The following DYNC2H1 variants were observed in gnomAD, a reference collection of about 807,000 sequenced individuals.
The protein encoded by DYNC2H1 is dynein cytoplasmic 2 heavy chain 1.
Under a neutral mutation model 570.0 loss-of-function variants are expected in DYNC2H1, and 410 were observed. The ratio of observed to expected loss-of-function variants is 0.72; its 90% confidence interval spans 0.66 to 0.78. The LOEUF is 0.78. DYNC2H1 is among the 30% of genes least tolerant of loss of function. The probability of loss-of-function intolerance (pLI) is 0.00; values close to 1 mark genes in which losing one functional copy is unlikely to be tolerated. For synonymous variants in DYNC2H1, 1,688 were observed against 1,677.6 expected (o/e 1.01, Z -0.15); for missense variants, 4,865 against 5,046.4 (o/e 0.96, Z 1.09).
chr11:103,385,917 GT>G (rs1370690825), intron 83 of DYNC2H1, among the ~76,000 whole-genome samples: 1 of 152,154 alleles, frequency 6.6e-6, no homozygotes, highest in Non-Finnish European at 1.5e-5. Context: ...TGGTTTTCAT[GT>G]GGCTGCCCCA....
At chr11:103,251,611 C>T (rs1864835339) in intron 65 of DYNC2H1, among the ~76,000 whole-genome samples, 1 of 152,118 alleles carries the variant, frequency 6.6e-6, no homozygotes, top group East Asian at 1.9e-4. Flanking sequence ...CTACAGTCCT[C>T]ATGTTGTACA....
At chr11:103,135,411 G>A in intron 15 of DYNC2H1, 84 bp from the exon 16 acceptor site, 2 of 1,235,206 alleles carry the variant, frequency 1.6e-6, no homozygotes, top group Non-Finnish European at 2.1e-6. Context: ...TTATAATTGT[G>A]CATTATGTGA....
intron 83 of DYNC2H1, among the ~76,000 whole-genome samples, chr11:103,379,653 T>C (rs947554603): frequency 6.6e-6 from 1 of 152,192 alleles, no homozygotes; most frequent in Non-Finnish European, 1.5e-5. Context: ...CATAACTTGG[T>C]TCTGTAGCCA....
In DYNC2H1 at chr11:103,168,941, A is replaced by G. The variant is rs1861451787; in HGVS notation, c.4949A>G (p.Gln1650Arg). The part of the protein sequence containing the change: ...CCVQMVDSEF[Q>R]YTYEYQGNAS... ...GTTCAAATGGTGGATTCTGAATTTC[A>G]GTATACTTATGAATATCAGGTATGA... Residue 1650 changes from glutamine (Q) to arginine (R), a missense_variant, in exon 32 of 89, where the codon CAG becomes CGG. This residue lies in a region of DYNC2H1 where 1,936 missense variants were observed against 1,962.1 expected (regional missense o/e 0.99). Transcript: ENST00000375735. 1 of 1,611,376 alleles carries G rather than the reference A, an allele frequency of 6.2e-7. No homozygotes were observed. The highest frequency in any genetic ancestry group is 1.7e-5 in the Admixed American group (1 of 59,798).
intron 45 of DYNC2H1, among the ~76,000 whole-genome samples, chr11:103,191,028 A>ATTTT (rs577789493): frequency 9.0e-6 from 1 of 111,242 alleles, no homozygotes; most frequent in Non-Finnish European, 1.8e-5. Context: ...ATATATATAT[A>ATTTT]TTTTTTTTCT....
At chr11:103,335,704 T>C (rs1030000375) in intron 82 of DYNC2H1, among the ~76,000 whole-genome samples, 2 of 152,252 alleles carry the variant, frequency 1.3e-5, no homozygotes, top group East Asian at 1.9e-4. Context: ...TTTTCCCATA[T>C]ACAGTTCATT....
intron 2 of DYNC2H1, 72 bp from the exon 3 acceptor site, chr11:103,114,031 A>G (rs543428081): frequency 1.9e-5 from 29 of 1,549,866 alleles, no homozygotes; most frequent in Non-Finnish European, 8.7e-7. Context: ...GGTTTTGGAC[A>G]GTGTTTTGGG....
intron 24 of DYNC2H1, 138 bp downstream of exon 24, chr11:103,154,947 G>A (rs972829699): frequency 2.2e-5 from 15 of 671,028 alleles, no homozygotes; most frequent in Non-Finnish European, 3.5e-5. Context: ...AGGAAATACA[G>A]AGTAAACCAT....
At chr11:103,410,910 C>T (rs1446198718) in intron 84 of DYNC2H1, among the ~76,000 whole-genome samples, 1 of 151,990 alleles carries the variant, frequency 6.6e-6, no homozygotes, top group Non-Finnish European at 1.5e-5. Flanking sequence ...CTGCTGTTTC[C>T]CGTGGGGGTG....
intron 83 of DYNC2H1, among the ~76,000 whole-genome samples, chr11:103,384,173 C>G (rs907622539): frequency 4.6e-5 from 7 of 152,172 alleles, no homozygotes; most frequent in Non-Finnish European, 7.4e-5. Context: ...GCTTATACTA[C>G]TACACATACA....
At position 103,209,947 on chromosome 11, in the gene DYNC2H1, GA is replaced by G. The variant is rs431905507; in HGVS notation, c.8534del (p.Asn2845IlefsTer8). On this transcript the variant is annotated frameshift_variant, in exon 53 of 89. Transcript: ENST00000375735. LOFTEE classifies it high-confidence loss of function. This position sits in a 1 kb window ranked among gnomAD's most constrained non-coding sequence, Gnocchi z 4.2. ...YNDKKRKEEK[K>X]KNSVDPDFLK... ...ATGATAAAAAACGAAAAGAAGAAAA[GA>G]AAAAAAATTCAGGTAGTATTTTGAT... 7.4e-6 allele frequency: 11 copies of G among 1,486,590 alleles called. No homozygotes were observed. The highest frequency in any genetic ancestry group is 4.3e-5 in the African/African-American group (3 of 69,634). The allele number at this position is 1,486,590 out of a possible 1,614,324, so 92.1% of individuals were successfully genotyped here.
chr11:103,116,805 T>A, intron 5 of DYNC2H1, 91 bp downstream of exon 5: 1 of 1,169,110 alleles, frequency 8.6e-7, no homozygotes, highest in African/African-American at 1.5e-5. Context: ...AAAATGCTCC[T>A]TTATGTAATA....
intron 85 of DYNC2H1, among the ~76,000 whole-genome samples, chr11:103,436,365 A>G (rs560208416): frequency 6.6e-6 from 1 of 151,960 alleles, no homozygotes; most frequent in East Asian, 1.9e-4. Context: ...CCCTATGGGG[A>G]GCTGCTTTAA....
chr11:103,399,004 T>G (rs1417565854), intron 83 of DYNC2H1, among the ~76,000 whole-genome samples: 3 of 152,132 alleles, frequency 2.0e-5, no homozygotes, highest in African/African-American at 7.2e-5. Context: ...TTTGTAGTGG[T>G]CGAGTAGTAT....
rs968448386 is a variant in DYNC2H1 at position 103,395,767 on chromosome 11, A to G, written c.12157-3896A>G. ...TAGTTAAGCCCCAATTCAAGTTGCA[A>G]ATTAATTTGTGGAACTGAGTTGAAT... On this transcript the variant is annotated intron_variant, in intron 83 of 88. Coordinates refer to ENST00000375735, the MANE Select transcript of DYNC2H1 (RefSeq NM_001377.3). The surrounding 1 kb of genome is among the most constrained non-coding windows in gnomAD (Gnocchi z 4.3). Among the ~76,000 whole-genome samples, 3 of 152,242 alleles carry G rather than the reference A, an allele frequency of 2.0e-5. No individual in the cohort carries two copies. Among genetic ancestry groups the G allele is most frequent in the East Asian group, 3.9e-4 (2 of 5,156 alleles).
chr11:103,178,976 A>G lies in DYNC2H1; in HGVS notation c.6140-50A>G, dbSNP rs757245401. On this transcript the variant is annotated intron_variant, in intron 38 of 88. Coordinates refer to ENST00000375735, the MANE Select transcript of DYNC2H1 (RefSeq NM_001377.3). ...GTTTTAGTCCTTATTTTTAATTATTATCACTGCATATATTTTTATTTTGTC... is the reference window on the plus strand; with the variant it reads ...GTTTTAGTCCTTATTTTTAATTATTGTCACTGCATATATTTTTATTTTGTC... 3.3e-6 allele frequency: 5 copies of G among 1,493,484 alleles called. No homozygotes were observed. In the East Asian group the frequency reaches 9.2e-5, roughly 28 times the overall value. 92.5% of individuals were successfully genotyped at this position (1,493,484 alleles called of 1,614,324 possible). A position where few individuals can be genotyped will look rare whatever the true frequency, so the allele number is the denominator to read the frequency against.
intron 85 of DYNC2H1, among the ~76,000 whole-genome samples, 193 bp downstream of exon 85, chr11:103,436,225 T>C (rs1591754767): frequency 6.6e-6 from 1 of 151,902 alleles, no homozygotes; most frequent in Admixed American, 6.6e-5. Flanking sequence ...CAAAATGTGC[T>C]TTCTGCTTTA....
chr11:103,368,999 T>C (rs1279227521), intron 83 of DYNC2H1, among the ~76,000 whole-genome samples: 2 of 152,178 alleles, frequency 1.3e-5, no homozygotes, highest in East Asian at 3.9e-4. Context: ...ACCACCTTTA[T>C]AAGCACTAAA....
chr11:103,451,595 T>C (rs1386816564), intron 85 of DYNC2H1, among the ~76,000 whole-genome samples: 1 of 152,156 alleles, frequency 6.6e-6, no homozygotes, highest in Non-Finnish European at 1.5e-5. Context: ...CTTCCCAAAG[T>C]GCTGGGATTA....
Sources: allele counts gnomAD v4.1 joint callset (sites outside exome capture counted in the v4.1 genomes callset), GRCh38; gene constraint gnomAD v4.1.1; regional missense constraint gnomAD v4.1.1; non-coding constraint Gnocchi (gnomAD v3.1); transcripts MANE v1.5; gene names NCBI Gene and HGNC (gene_info 2026-07-23, HGNC 2026-07-21).